REEP3: variants seen among roughly 807,000 people sequenced by gnomAD.
The protein encoded by REEP3 is receptor expression-enhancing protein 3.
REEP3 carries 20 observed loss-of-function variants against 41.3 expected under a neutral mutation model. That is an observed-to-expected ratio of 0.48 (90% confidence interval 0.34 to 0.70). The LOEUF (loss-of-function observed/expected upper bound fraction) is 0.70. Among genes scored for constraint, REEP3 ranks in the 30% least tolerant of loss-of-function variants. REEP3 has a pLI of 0.01. For missense variants in REEP3, 271 were observed against 308.8 expected (o/e 0.88, Z 0.92); for synonymous variants, 104 against 101.8 (o/e 1.02, Z -0.13).
At chr10:63,540,571 T>C (rs1197870349) in intron 1 of REEP3, among the ~76,000 whole-genome samples, 1 of 152,142 alleles carries the variant, frequency 6.6e-6, no homozygotes, top group Non-Finnish European at 1.5e-5. Context: ...GCAAATTTTA[T>C]CTACCATAGC....
intron 6 of REEP3, among the ~76,000 whole-genome samples, chr10:63,617,197 A>C (rs1158026800): frequency 6.6e-6 from 1 of 152,204 alleles, no homozygotes; most frequent in Non-Finnish European, 1.5e-5. Flanking sequence ...AAGAAAACAA[A>C]GGATCTTGGC....
At chr10:63,601,970 C>T (rs1219269358) in intron 5 of REEP3, among the ~76,000 whole-genome samples, 3 of 151,766 alleles carry the variant, frequency 2.0e-5, no homozygotes, top group South Asian at 4.2e-4. Flanking sequence ...AAAATAAAAG[C>T]AGGGACTCTG....
At chr10:63,597,964 T>G in intron 3 of REEP3, 60 bp from the exon 4 acceptor site, 3 of 1,475,034 alleles carry the variant, frequency 2.0e-6, no homozygotes, top group Non-Finnish European at 1.8e-6. Flanking sequence ...GGTGTTTTTG[T>G]GATTTCTACA....
At position 63,556,625 on chromosome 10, in the gene REEP3, TG is replaced by T. The variant is rs67656559; in HGVS notation, c.33-9712del. 4.6e-3 allele frequency among the ~76,000 whole-genome samples: 65 copies of T among 14,206 alleles called. 3 individuals are homozygous for T. Among genetic ancestry groups the T allele is most frequent in the South Asian group, 0.012 (5 of 408 alleles). 9.3% of individuals were successfully genotyped at this position (14,206 alleles called of 152,430 possible). A position where few individuals can be genotyped will look rare whatever the true frequency, so the allele number is the denominator to read the frequency against. ...TTTTCTGTTTGCTTGTTTTTTTTTT[TG>T]TTGTTTTGTTTTTTTTTTTTTTTTT... On this transcript the variant is annotated intron_variant, in intron 1 of 7. Transcript: ENST00000373758.
At chr10:63,595,199 C>T (rs1956102436) in intron 3 of REEP3, among the ~76,000 whole-genome samples, 1 of 152,176 alleles carries the variant, frequency 6.6e-6, no homozygotes, top group Non-Finnish European at 1.5e-5. Flanking sequence ...TTTTGAAGCC[C>T]ACAGCATCTG....
intron 1 of REEP3, among the ~76,000 whole-genome samples, chr10:63,534,387 A>G (rs1003544738): frequency 4.6e-5 from 7 of 152,120 alleles, no homozygotes; most frequent in African/African-American, 2.4e-5. Flanking sequence ...AGTAGCTAGA[A>G]CTATAAGCAC....
chr10:63,618,884 C>T (rs1444161445), intron 6 of REEP3, among the ~76,000 whole-genome samples: 1 of 152,250 alleles, frequency 6.6e-6, no homozygotes, highest in Non-Finnish European at 1.5e-5. Flanking sequence ...TGCTCTCAGA[C>T]TTCCTGACTG....
intron 1 of REEP3, among the ~76,000 whole-genome samples, chr10:63,526,186 C>A (rs1218831022): frequency 6.6e-6 from 1 of 152,106 alleles, no homozygotes; most frequent in Non-Finnish European, 1.5e-5. Flanking sequence ...ATATTGTAAG[C>A]ATCTTCTATG....
intron 1 of REEP3, among the ~76,000 whole-genome samples, chr10:63,525,533 C>T (rs1395990465): frequency 6.6e-6 from 1 of 152,118 alleles, no homozygotes; most frequent in African/African-American, 2.4e-5. Flanking sequence ...GTTCTCCTGC[C>T]TCAGCCTCCC....
At chr10:63,563,075 A>G in intron 1 of REEP3, 3 of 451,052 alleles carry the variant, frequency 6.7e-6, no homozygotes, top group Admixed American at 2.4e-5. Context: ...CAAGCCAAGG[A>G]AAGAGGCCTC....
At chr10:63,577,198 A>T (rs574970547) in intron 2 of REEP3, among the ~76,000 whole-genome samples, 3 of 152,176 alleles carry the variant, frequency 2.0e-5, no homozygotes, top group Admixed American at 1.3e-4. Flanking sequence ...GGGGGCGCTC[A>T]ACATTCAGTT....
chr10:63,582,222 A>C (rs1955961378), intron 2 of REEP3, among the ~76,000 whole-genome samples: 2 of 152,236 alleles, frequency 1.3e-5, no homozygotes, highest in Admixed American at 1.3e-4. Context: ...ATGCCAGTGC[A>C]GCTAGTCTGT....
chr10:63,606,209 CTTTA>C, intron 5 of REEP3: 1 of 364,786 alleles, frequency 2.7e-6, no homozygotes, highest in Non-Finnish European at 3.5e-6. Flanking sequence ...CGCCTTTCCT[CTTTA>C]TTGACTAAGA....
At chr10:63,608,066 G>A (rs1032915780) in intron 5 of REEP3, among the ~76,000 whole-genome samples, 5 of 152,188 alleles carry the variant, frequency 3.3e-5, no homozygotes, top group African/African-American at 1.2e-4. Flanking sequence ...AAATTGCTGA[G>A]AGAAGGCACA....
intron 1 of REEP3, among the ~76,000 whole-genome samples, chr10:63,542,882 A>G (rs946225070): frequency 1.3e-5 from 2 of 152,168 alleles, no homozygotes; most frequent in South Asian, 2.1e-4. Context: ...GCTCTTTACT[A>G]TGTCTCTCTG....
intron 2 of REEP3, among the ~76,000 whole-genome samples, chr10:63,594,042 A>G (rs149147441): frequency 2.6e-5 from 4 of 152,248 alleles, no homozygotes; most frequent in Non-Finnish European, 5.9e-5. Context: ...AAAGACTAAT[A>G]AAGATTAAAT....
At position 63,533,710 on chromosome 10, in the gene REEP3, C is replaced by CTT. The variant is rs71025187; in HGVS notation, c.32+12147_32+12148dup. Among the ~76,000 whole-genome samples the CTT allele has an allele frequency of 1.1e-3, 111 of 101,132 alleles. 19 individuals carry two copies. The highest frequency in any genetic ancestry group is 1.8e-3 in the Non-Finnish European group (85 of 46,358). 66.3% of individuals were successfully genotyped at this position (101,132 alleles called of 152,430 possible). The stretch of plus-strand genomic sequence containing the variant: ...GAAAGAGCCTTGGAAGTATGTAAAT[C>CTT]TTTTTTTTTTTTTTTGAGACGGAGT... On this transcript the variant is annotated intron_variant, in intron 1 of 7. Transcript: ENST00000373758.
chr10:63,579,683 C>T lies in REEP3; in HGVS notation c.105+13273C>T, dbSNP rs1456360617. ...AAGAGGCTAAGCAATCAGGCTTTTG[C>T]TAAAATCTAGGAAGAATGTTACCAA... On this transcript the variant is annotated intron_variant, in intron 2 of 7. Transcript: ENST00000373758. Among the ~76,000 whole-genome samples the T allele has an allele frequency of 3.9e-5, 6 of 152,292 alleles. 1 individual carries two copies. In the South Asian group the frequency reaches 6.2e-4, roughly 16 times the overall value.
intron 2 of REEP3, among the ~76,000 whole-genome samples, chr10:63,589,785 C>CT (rs59658061): frequency 0.018 from 1,446 of 80,750 alleles, 179 homozygotes; most frequent in Non-Finnish European, 0.023. Context: ...AGCAGAACAT[C>CT]TTTTTTTTTT....
Sources: gnomAD v4.1 joint callset for allele counts (sites outside exome capture counted in the v4.1 genomes callset) on GRCh38, gnomAD v4.1.1 for gene constraint, MANE v1.5 for transcripts, NCBI Gene and HGNC (gene_info 2026-07-23, HGNC 2026-07-21) for gene names.